The following CEP170 variants were observed in gnomAD, a reference collection of about 807,000 sequenced individuals.
CEP170 encodes centrosomal protein of 170 kDa.
In CEP170, 21 loss-of-function variants were observed where a neutral mutation model predicts 151.9. The observed-to-expected ratio is 0.14, with a 90% confidence interval of 0.10 to 0.20. CEP170 has a LOEUF of 0.20. Ranked by LOEUF, CEP170 falls within the 10% of genes least tolerant of loss-of-function variation. CEP170 has a pLI of 1.00. For synonymous variants in CEP170, 356 were observed against 648.8 expected, an observed-to-expected ratio of 0.55 and a Z score of 6.86; for missense variants, 964 against 1,892.9, an observed-to-expected ratio of 0.51 and a Z score of 9.11.
rs2064546030 is a variant in CEP170 at position 243,239,122 on chromosome 1, G to GC, written c.-41-13802dup. ...TTTTACAAGATCAGACCTTCCCTCT[G>GC]CTTACGAGTCATTTCCAGTTCAAGG... On this transcript the variant is annotated intron_variant, in intron 1 of 19. Transcript: ENST00000366542. Among the ~76,000 whole-genome samples, 3 of 152,216 alleles carry GC rather than the reference G, an allele frequency of 2.0e-5. No homozygotes were observed. In the South Asian group the frequency reaches 6.2e-4, roughly 32 times the overall value.
intron 1 of CEP170, among the ~76,000 whole-genome samples, chr1:243,244,268 A>T (rs999126923): frequency 2.0e-5 from 3 of 152,086 alleles, no homozygotes; most frequent in Non-Finnish European, 4.4e-5. Context: ...TGTGAAATTC[A>T]ACTGTCCTGT....
At chr1:243,222,204 A>C (rs1028143015) in intron 2 of CEP170, among the ~76,000 whole-genome samples, 1 of 152,182 alleles carries the variant, frequency 6.6e-6, no homozygotes, top group Non-Finnish European at 1.5e-5. Context: ...TTCTTCTTTC[A>C]AAACAAAAAA....
At chr1:243,232,032 C>T (rs1378512709) in intron 1 of CEP170, among the ~76,000 whole-genome samples, 4 of 152,042 alleles carry the variant, frequency 2.6e-5, no homozygotes, top group African/African-American at 9.7e-5. Context: ...GGCAAGATCT[C>T]AGCACACTGC....
rs191198691 is a variant in CEP170 at position 243,141,834 on chromosome 1, A to G, written c.4059+482T>C. 7.6e-3 allele frequency among the ~76,000 whole-genome samples: 1,162 copies of G among 152,334 alleles called. 12 individuals carry two copies. The highest frequency in any genetic ancestry group is 0.011 in the Non-Finnish European group (732 of 68,040). On this transcript the variant is annotated intron_variant, in intron 15 of 19. Transcript: ENST00000366542. ...TACATATGTATTTCAATTTTTCAAA[A>G]TATCTTTATGTGTATGTGTTTGTAT...
intron 7 of CEP170, among the ~76,000 whole-genome samples, chr1:243,195,899 CT>C (rs1411629833): frequency 6.6e-6 from 1 of 151,858 alleles, no homozygotes; most frequent in Non-Finnish European, 1.5e-5. Context: ...GTGAGAGTCT[CT>C]TAAGGCTATT....
intron 13 of CEP170, among the ~76,000 whole-genome samples, chr1:243,159,060 C>T (rs1420353868): frequency 6.6e-6 from 1 of 151,970 alleles, no homozygotes; most frequent in Non-Finnish European, 1.5e-5. Flanking sequence ...AGCCAGACTC[C>T]ATCTCAAAAA....
rs1347054057 is a variant in CEP170 at position 243,212,061 on chromosome 1, T to C, written c.196-97A>G. ...CTCAAATCTGAGAGTTAAAAGCACA[T>C]ATCATACGGTGGCTAATACAGCCTG... On this transcript the variant is annotated intron_variant, in intron 3 of 19. Coordinates refer to ENST00000366542, the MANE Select transcript of CEP170 (RefSeq NM_014812.3). 3.3e-6 allele frequency: 4 copies of C among 1,202,062 alleles called. No homozygotes were observed. In the East Asian group the frequency reaches 1.1e-4, roughly 34 times the overall value. 74.5% of individuals were successfully genotyped at this position (1,202,062 alleles called of 1,614,324 possible). A position where few individuals can be genotyped will look rare whatever the true frequency, so the allele number is the denominator to read the frequency against.
rs774096892 is a variant in CEP170, at chr1:243,246,226, C to CTTTTTT, written c.-42+8808_-42+8813dup. 5.1e-4 allele frequency among the ~76,000 whole-genome samples: 56 copies of CTTTTTT among 109,446 alleles called. 2 individuals are homozygous for CTTTTTT. The highest frequency in any genetic ancestry group is 6.0e-3 in the Middle Eastern group (1 of 168). The allele number at this position is 109,446 out of a possible 152,430, so 71.8% of individuals were successfully genotyped here. A position where few individuals can be genotyped will look rare whatever the true frequency, so the allele number is the denominator to read the frequency against. ...GAAATGTCCATTACAGTGTTGTTTA[C>CTTTTTT]TTTTTTTTTTTTTTTTTTTTTTTGA... On this transcript the variant is annotated intron_variant, in intron 1 of 19. Coordinates refer to ENST00000366542, the MANE Select transcript of CEP170 (RefSeq NM_014812.3).
chr1:243,153,194 A>C (rs546144010), intron 14 of CEP170, among the ~76,000 whole-genome samples: 2 of 152,346 alleles, frequency 1.3e-5, no homozygotes, highest in African/African-American at 4.8e-5. Context: ...CTCGTGATAA[A>C]ACATTAACAG....
chr1:243,193,531 G>C (rs1303694774), intron 7 of CEP170, among the ~76,000 whole-genome samples: 2 of 152,004 alleles, frequency 1.3e-5, no homozygotes, highest in Non-Finnish European at 2.9e-5. Context: ...ACACAAAAAA[G>C]CTGGCCAGGG....
At position 243,242,825 on chromosome 1, in the gene CEP170, C is replaced by G. The variant is rs540647516; in HGVS notation, c.-42+12215G>C. Among the ~76,000 whole-genome samples, 721 of 152,254 alleles carry G rather than the reference C, an allele frequency of 4.7e-3. 4 individuals carry two copies. Among genetic ancestry groups the G allele is most frequent in the African/African-American group, 0.017 (696 of 41,548 alleles). On this transcript the variant is annotated intron_variant, in intron 1 of 19. Coordinates refer to ENST00000366542, the MANE Select transcript of CEP170 (RefSeq NM_014812.3). The stretch of plus-strand genomic sequence containing the variant: ...AAGCAATTCTCCTACCTCAGCCTCC[C>G]AGGTAGCCAGGATTACAGGCATGCG...
intron 1 of CEP170, among the ~76,000 whole-genome samples, chr1:243,229,701 T>C (rs547253718): frequency 2.6e-5 from 4 of 152,304 alleles, no homozygotes; most frequent in East Asian, 1.9e-4. Flanking sequence ...CATGATCTCA[T>C]TGTTGCTTTT....
At chr1:243,134,604 C>G (rs2054809438) in intron 17 of CEP170, among the ~76,000 whole-genome samples, 1 of 151,886 alleles carries the variant, frequency 6.6e-6, no homozygotes, top group Admixed American at 6.6e-5. Flanking sequence ...CTCCAGTGAT[C>G]CTCCGATTTC....
intron 10 of CEP170, among the ~76,000 whole-genome samples, chr1:243,182,327 T>A (rs1466816951): frequency 6.6e-6 from 1 of 152,202 alleles, no homozygotes; most frequent in Non-Finnish European, 1.5e-5. Flanking sequence ...CTTTTCTTGA[T>A]AAGCTACCCA....
At chr1:243,225,716 T>C (rs989964905) in intron 1 of CEP170, among the ~76,000 whole-genome samples, 2 of 152,136 alleles carry the variant, frequency 1.3e-5, no homozygotes, top group African/African-American at 4.8e-5. Flanking sequence ...TACAAATGGT[T>C]TGAGAAAGAC....
At chr1:243,231,947 T>G (rs1026422317) in intron 1 of CEP170, among the ~76,000 whole-genome samples, 4 of 150,726 alleles carry the variant, frequency 2.7e-5, no homozygotes, top group Non-Finnish European at 4.4e-5. Context: ...TCACTGTCTT[T>G]TCTTCTTCTT....
chr1:243,132,686 T>G (rs752962196), intron 17 of CEP170, among the ~76,000 whole-genome samples: 1 of 151,232 alleles, frequency 6.6e-6, no homozygotes, highest in Non-Finnish European at 1.5e-5. Context: ...TAGTTCAATG[T>G]CAAAGCTACA....
intron 17 of CEP170, among the ~76,000 whole-genome samples, chr1:243,135,066 A>G (rs1324758842): frequency 6.6e-6 from 1 of 152,190 alleles, no homozygotes; most frequent in Non-Finnish European, 1.5e-5. Flanking sequence ...TTTTGCTAAA[A>G]AGCTACACAT....
At chr1:243,135,879 C>G (rs2055007981) in intron 17 of CEP170, 1 of 216,002 alleles carries the variant, frequency 4.6e-6, no homozygotes, top group Non-Finnish European at 9.4e-6. Flanking sequence ...TGTTTCATTA[C>G]ATTTTAAATT....
Sources: gnomAD v4.1 joint callset for allele counts (sites outside exome capture counted in the v4.1 genomes callset) on GRCh38, gnomAD v4.1.1 for gene constraint, MANE v1.5 for transcripts, NCBI Gene and HGNC (gene_info 2026-07-23, HGNC 2026-07-21) for gene names.